The following PIGL variants were observed in gnomAD, a reference collection of about 807,000 sequenced individuals.
PIGL encodes N-acetylglucosaminyl-phosphatidylinositol de-N-acetylase.
A neutral mutation model predicts 31.1 loss-of-function variants in PIGL; 22 were observed. That is an observed-to-expected ratio of 0.71 (90% CI 0.51 to 1.01). PIGL has a LOEUF of 1.01. Among genes scored for constraint, PIGL ranks in the 50% least tolerant of loss-of-function variants. The pLI is 0.00. For synonymous variants in PIGL, 131 were observed against 117.4 expected (o/e 1.12, Z -0.75); for missense variants, 302 against 315.9 (o/e 0.96, Z 0.33).
At chr17:16,223,532 G>A (rs1381062449) in intron 1 of PIGL, among the ~76,000 whole-genome samples, 3 of 152,042 alleles carry the variant, frequency 2.0e-5, no homozygotes, top group Non-Finnish European at 4.4e-5. Flanking sequence ...AGCCAAGATC[G>A]CTCCACTGCA....
chr17:16,243,037 T>A (rs1404710808), intron 2 of PIGL, among the ~76,000 whole-genome samples: 1 of 152,166 alleles, frequency 6.6e-6, no homozygotes, highest in African/African-American at 2.4e-5. Context: ...TTAACTGTGT[T>A]GTTACTGGTG....
chr17:16,285,106 A>T (rs1261750397), intron 2 of PIGL, among the ~76,000 whole-genome samples: 1 of 152,152 alleles, frequency 6.6e-6, no homozygotes, highest in Non-Finnish European at 1.5e-5. Flanking sequence ...CAGGGGTGAG[A>T]CACCACACCT....
intron 2 of PIGL, among the ~76,000 whole-genome samples, chr17:16,276,264 T>G (rs1298321029): frequency 6.6e-6 from 1 of 152,148 alleles, no homozygotes; most frequent in African/African-American, 2.4e-5. Context: ...GAAACCAAGT[T>G]GATATGGGGT....
At chr17:16,241,094 AC>A (rs1301635892) in intron 2 of PIGL, among the ~76,000 whole-genome samples, 1 of 146,132 alleles carries the variant, frequency 6.8e-6, no homozygotes, top group Non-Finnish European at 1.5e-5. Context: ...AGCCTGGGCA[AC>A]AAAAACGAAA....
At chr17:16,306,522 CTTTTTTTT>C (rs34479966) in intron 3 of PIGL, among the ~76,000 whole-genome samples, 1 of 113,672 alleles carries the variant, frequency 8.8e-6, no homozygotes, top group African/African-American at 3.2e-5. Context: ...GTTATACGAT[CTTTTTTTT>C]TTTTTTTTTT....
rs966612214 is a variant in PIGL at position 16,266,241 on chromosome 17, C to T, written c.335+32171C>T. Among the ~76,000 whole-genome samples, 4 of 151,830 alleles carry T rather than the reference C, an allele frequency of 2.6e-5. No homozygotes were observed. The East Asian group carries it at 7.8e-4, about 30-fold the overall frequency. ...AGCAGCCTGGCCAACATGGTGAAAA[C>T]CCATCTCTACAAAAATACAAAAATT... On this transcript the variant is annotated intron_variant, in intron 2 of 6. Transcript: ENST00000225609.
At chr17:16,278,708 C>T (rs2092905530) in intron 2 of PIGL, among the ~76,000 whole-genome samples, 1 of 108,084 alleles carries the variant, frequency 9.3e-6, no homozygotes, top group African/African-American at 3.9e-5. Flanking sequence ...ACCCTTAAAT[C>T]TAGGCAAAAA....
At chr17:16,227,258 G>A (rs2092656083) in intron 1 of PIGL, among the ~76,000 whole-genome samples, 1 of 151,958 alleles carries the variant, frequency 6.6e-6, no homozygotes, top group African/African-American at 2.4e-5. Context: ...ACAGGCGCGT[G>A]CCACCATCAT....
intron 2 of PIGL, among the ~76,000 whole-genome samples, chr17:16,237,039 G>A (rs1049152494): frequency 1.3e-5 from 2 of 151,572 alleles, no homozygotes; most frequent in Non-Finnish European, 2.9e-5. Context: ...CTGGGTTCAG[G>A]CAATCCTCCT....
intron 2 of PIGL, among the ~76,000 whole-genome samples, chr17:16,260,632 C>T (rs545617460): frequency 5.3e-4 from 80 of 152,316 alleles, no homozygotes; most frequent in African/African-American, 1.9e-3. Flanking sequence ...CTGCAGGTCT[C>T]TTCTCCTCTG....
chr17:16,253,765 C>G (rs2092782221), intron 2 of PIGL, among the ~76,000 whole-genome samples: 1 of 152,036 alleles, frequency 6.6e-6, no homozygotes, highest in Admixed American at 6.6e-5. Context: ...CAGGGCAACA[C>G]ACCAGACCCT....
rs374145591 is a variant in PIGL, at chr17:16,218,735, G to A, written c.235+1274G>A. Among the ~76,000 whole-genome samples the A allele has an allele frequency of 1.4e-3, 192 of 142,200 alleles. 4 individuals carry two copies. Among genetic ancestry groups the A allele is most frequent in the African/African-American group, 4.3e-3 (164 of 38,100 alleles). 93.3% of individuals were successfully genotyped at this position (142,200 alleles called of 152,430 possible). Reference sequence around the variant, plus strand: ...GCTCTGTTGCCCAGGCTGGAGTGCCGTGGCGTGATCTCGGCTCACTGCAAC... The same window carrying A: ...GCTCTGTTGCCCAGGCTGGAGTGCCATGGCGTGATCTCGGCTCACTGCAAC... On this transcript the variant is annotated intron_variant, in intron 1 of 6. Transcript: ENST00000225609.
At chr17:16,282,161 C>G in intron 2 of PIGL, 1 of 425,016 alleles carries the variant, frequency 2.4e-6, no homozygotes, top group Admixed American at 2.4e-5. Flanking sequence ...TAGCACATAT[C>G]CCAAATTTCC....
chr17:16,314,585 C>G (rs1414241171), intron 4 of PIGL, among the ~76,000 whole-genome samples: 1 of 152,100 alleles, frequency 6.6e-6, no homozygotes, highest in Admixed American at 6.6e-5. Context: ...AGAATTTTAC[C>G]CACATACTCT....
chr17:16,323,097 T>C (rs764283672), intron 6 of PIGL, among the ~76,000 whole-genome samples: 20 of 152,354 alleles, frequency 1.3e-4, no homozygotes, highest in Non-Finnish European at 2.6e-4. Flanking sequence ...ATGAAAATAT[T>C]GTGGCCAAAG....
chr17:16,312,307 C>T lies in PIGL; in HGVS notation c.427-1240C>T, dbSNP rs1404483466. ...GGGGTCGCGGCCGGGCAGAGGCGCT[C>T]CTCACATCCCAGATGGGGCGGCAGG... On this transcript the variant is annotated intron_variant, in intron 3 of 6. Transcript: ENST00000225609. 1.9e-5 allele frequency: 3 copies of T among 161,074 alleles called. No homozygotes were observed. In the East Asian group the frequency reaches 5.6e-4, roughly 30 times the overall value. The allele number at this position is 161,074 out of a possible 1,614,324, so 10.0% of individuals were successfully genotyped here. A position where few individuals can be genotyped will look rare whatever the true frequency, so the allele number is the denominator to read the frequency against.
intron 1 of PIGL, among the ~76,000 whole-genome samples, chr17:16,222,433 G>C (rs2092633664): frequency 1.3e-5 from 2 of 152,040 alleles, no homozygotes; most frequent in South Asian, 4.1e-4. Context: ...TAATTGCTTT[G>C]TTATTGGTGG....
rs550747275 is a variant in PIGL, at chr17:16,264,302, A to G, written c.335+30232A>G. 1.9e-4 allele frequency among the ~76,000 whole-genome samples: 29 copies of G among 151,242 alleles called. 2 individuals are homozygous for G. The highest frequency in any genetic ancestry group is 7.0e-4 in the African/African-American group (29 of 41,198). On this transcript the variant is annotated intron_variant, in intron 2 of 6. Transcript: ENST00000225609. The stretch of plus-strand genomic sequence containing the variant: ...GGATTACAGGCATGAGTCTCTGGGT[A>G]TGGCCTTAATCTTTTGTATTTTTAG...
intron 2 of PIGL, among the ~76,000 whole-genome samples, chr17:16,295,571 T>C (rs915118414): frequency 2.0e-5 from 3 of 151,588 alleles, no homozygotes; most frequent in Non-Finnish European, 4.4e-5. Context: ...CACTTGAGCC[T>C]GGAAGTCAAG....
Sources: allele counts gnomAD v4.1 joint callset (sites outside exome capture counted in the v4.1 genomes callset), GRCh38; gene constraint gnomAD v4.1.1; transcripts MANE v1.5; gene names NCBI Gene and HGNC (gene_info 2026-07-23, HGNC 2026-07-21).